The following NRG3 variants were observed in gnomAD, a reference collection of about 807,000 sequenced individuals.
NRG3 encodes the protein pro-neuregulin-3, membrane-bound isoform.
A neutral mutation model predicts 66.9 loss-of-function variants in NRG3; 31 were observed. That is an observed-to-expected ratio of 0.46 (90% CI 0.35 to 0.63). The LOEUF (loss-of-function observed/expected upper bound fraction) is 0.63. Ranked by LOEUF, NRG3 falls within the 20% of genes least tolerant of loss-of-function variation. The pLI, the probability that NRG3 is intolerant of heterozygous loss-of-function variation, is 0.00. For synonymous variants in NRG3, 393 were observed against 359.4 expected, an observed-to-expected ratio of 1.09 and a Z score of -1.06; for missense variants, 910 against 878.9, an observed-to-expected ratio of 1.04 and a Z score of -0.45.
intron 1 of NRG3, among the ~76,000 whole-genome samples, chr10:82,202,687 G>A (rs774782791): frequency 2.6e-5 from 4 of 152,090 alleles, no homozygotes; most frequent in South Asian, 2.1e-4. Flanking sequence ...CAAAATCAAC[G>A]GCTTAAATGT....
intron 2 of NRG3, among the ~76,000 whole-genome samples, chr10:82,696,382 G>A (rs7916116): frequency 0.013 from 1,961 of 152,034 alleles, 49 homozygotes; most frequent in African/African-American, 0.044. Context: ...TGACCTTGTA[G>A]TTTATAATTA....
intron 2 of NRG3, among the ~76,000 whole-genome samples, chr10:82,522,210 AT>A (rs1846261177): frequency 1.3e-5 from 2 of 151,782 alleles, no homozygotes; most frequent in East Asian, 2.0e-4. Context: ...CACCCAGCTG[AT>A]TTTTGTATTT....
intron 2 of NRG3, among the ~76,000 whole-genome samples, chr10:82,694,358 G>A (rs1284868673): frequency 1.3e-5 from 2 of 152,172 alleles, no homozygotes; most frequent in Non-Finnish European, 1.5e-5. Flanking sequence ...TATAGGTTTG[G>A]GGGAACTTTT....
At chr10:82,674,123 G>A (rs1222383758) in intron 2 of NRG3, among the ~76,000 whole-genome samples, 1 of 152,106 alleles carries the variant, frequency 6.6e-6, no homozygotes, top group Non-Finnish European at 1.5e-5. Context: ...TGTAAACTGG[G>A]ACTCTGTATG....
intron 1 of NRG3, among the ~76,000 whole-genome samples, chr10:82,141,904 GTGC>G (rs2069815007): frequency 1.3e-5 from 2 of 152,090 alleles, no homozygotes; most frequent in Non-Finnish European, 2.9e-5. Context: ...TCTTCCAGAG[GTGC>G]ATACTACGTG....
chr10:82,211,096 G>A (rs549407039), intron 1 of NRG3, among the ~76,000 whole-genome samples: 6 of 152,194 alleles, frequency 3.9e-5, no homozygotes, highest in Admixed American at 1.3e-4. Context: ...AATCCAGATG[G>A]TCTTCCTTGT....
At chr10:82,423,602 G>T (rs559993776) in intron 2 of NRG3, among the ~76,000 whole-genome samples, 13 of 151,792 alleles carry the variant, frequency 8.6e-5, no homozygotes, top group African/African-American at 3.1e-4. Context: ...CATTATGAAA[G>T]TTTCATGAAA....
intron 1 of NRG3, among the ~76,000 whole-genome samples, chr10:82,309,400 G>A: frequency 6.6e-6 from 1 of 151,856 alleles, no homozygotes. Flanking sequence ...AAGTCTTGCA[G>A]TATTTTGAAG....
At chr10:81,986,806 T>A (rs1033537749) in intron 1 of NRG3, among the ~76,000 whole-genome samples, 1 of 152,150 alleles carries the variant, frequency 6.6e-6, no homozygotes, top group Non-Finnish European at 1.5e-5. Context: ...TGCCTCAGCC[T>A]TCTGACTACA....
intron 1 of NRG3, among the ~76,000 whole-genome samples, chr10:81,884,745 C>A (rs1216528862): frequency 6.6e-6 from 1 of 152,050 alleles, no homozygotes; most frequent in Non-Finnish European, 1.5e-5. Context: ...GGAGAGGAAT[C>A]CTGGAACTAT....
At chr10:82,451,784 A>G (rs1050176092) in intron 2 of NRG3, among the ~76,000 whole-genome samples, 22 of 152,122 alleles carry the variant, frequency 1.4e-4, no homozygotes, top group African/African-American at 5.3e-4. Flanking sequence ...TATGCATCAA[A>G]CATTTTGAAA....
At chr10:81,936,300 A>G (rs1847864381) in intron 1 of NRG3, among the ~76,000 whole-genome samples, 1 of 152,194 alleles carries the variant, frequency 6.6e-6, no homozygotes, top group South Asian at 2.1e-4. Flanking sequence ...AGTATGGAAC[A>G]TTCAAGAAAC....
chr10:82,828,534 A>G (rs2062358212), intron 3 of NRG3, among the ~76,000 whole-genome samples: 1 of 152,004 alleles, frequency 6.6e-6, no homozygotes, highest in Admixed American at 6.6e-5. Flanking sequence ...AAGTGCATAG[A>G]TTTTTCTCAT....
rs1241163450 is a variant in NRG3 at position 82,585,491 on chromosome 10, C to T, written c.954-153086C>T. 2.6e-5 allele frequency among the ~76,000 whole-genome samples: 4 copies of T among 152,132 alleles called. No individual in the cohort carries two copies. The South Asian group carries it at 6.2e-4, about 24-fold the overall frequency. On this transcript the variant is annotated intron_variant, in intron 2 of 8. Transcript: ENST00000372141. ...GAACCAGCCTTGAGAGTTTTGTTAACTACAGATTTTTACTGTACACTGTCC... is the reference window on the plus strand; with the variant it reads ...GAACCAGCCTTGAGAGTTTTGTTAATTACAGATTTTTACTGTACACTGTCC...
At chr10:82,325,188 C>CT (rs895094430) in intron 1 of NRG3, among the ~76,000 whole-genome samples, 2,042 of 147,086 alleles carry the variant, frequency 0.014, 47 homozygotes, top group African/African-American at 0.048. Context: ...TTCTTTCTTC[C>CT]TTTTTTTTTT....
chr10:82,029,576 C>A (rs1010629333), intron 1 of NRG3, among the ~76,000 whole-genome samples: 1 of 151,622 alleles, frequency 6.6e-6, no homozygotes, highest in Non-Finnish European at 1.5e-5. Context: ...TGAACGATTT[C>A]ATTATGTGTC....
At chr10:82,871,242 A>G (rs1363495003) in intron 4 of NRG3, among the ~76,000 whole-genome samples, 1 of 148,346 alleles carries the variant, frequency 6.7e-6, no homozygotes, top group Non-Finnish European at 1.5e-5. Flanking sequence ...ATTAATGTGT[A>G]TCTATTCTGA....
At chr10:81,988,676 C>T (rs777120298) in intron 1 of NRG3, among the ~76,000 whole-genome samples, 2 of 151,920 alleles carry the variant, frequency 1.3e-5, no homozygotes, top group African/African-American at 2.4e-5. Context: ...GTATAGTATT[C>T]GTGGTAGAGT....
chr10:82,161,777 T>C (rs1290571765), intron 1 of NRG3, among the ~76,000 whole-genome samples: 1 of 152,060 alleles, frequency 6.6e-6, no homozygotes, highest in Non-Finnish European at 1.5e-5. Flanking sequence ...AAGAAAGATA[T>C]CAACTGCAAT....
Sources: allele counts gnomAD v4.1 joint callset (sites outside exome capture counted in the v4.1 genomes callset), GRCh38; gene constraint gnomAD v4.1.1; transcripts MANE v1.5; gene names NCBI Gene and HGNC (gene_info 2026-07-23, HGNC 2026-07-21).